The following BTRC variants were observed in gnomAD, a reference collection of about 807,000 sequenced individuals.
The protein encoded by BTRC is F-box/WD repeat-containing protein 1A.
BTRC carries 42 observed loss-of-function variants against 85.5 expected under a neutral mutation model. The observed-to-expected ratio is 0.49, with a 90% CI of 0.38 to 0.64. BTRC has a LOEUF of 0.64. Among genes scored for constraint, BTRC ranks in the 30% least tolerant of loss-of-function variants. The probability of loss-of-function intolerance (pLI) is 0.00; values close to 1 mark genes in which losing one functional copy is unlikely to be tolerated. For synonymous variants in BTRC, 255 were observed against 263.3 expected (o/e 0.97, Z 0.30); for missense variants, 594 against 743.5 (o/e 0.80, Z 2.34).
intron 2 of BTRC, among the ~76,000 whole-genome samples, chr10:101,440,131 G>A (rs1014604927): frequency 1.3e-5 from 2 of 152,042 alleles, no homozygotes; most frequent in Non-Finnish European, 2.9e-5. Context: ...TATGCCAAAT[G>A]AATAGAAAAT....
chr10:101,421,573 C>T (rs944195868), intron 1 of BTRC, among the ~76,000 whole-genome samples: 2 of 150,324 alleles, frequency 1.3e-5, no homozygotes, highest in East Asian at 2.0e-4. Flanking sequence ...CCCATTAACT[C>T]GTCATTTACA....
rs986089467 is a variant in BTRC, at chr10:101,526,636, C to T, written c.743+437C>T. On this transcript the variant is annotated intron_variant, in intron 6 of 14. Transcript: ENST00000370187. ...CTCTACTAAAAATACAAAATTTAGCCGAGTATGGTGGCGTGCACCTGTAAT... is the reference window on the plus strand; with the variant it reads ...CTCTACTAAAAATACAAAATTTAGCTGAGTATGGTGGCGTGCACCTGTAAT... 1.2e-4 allele frequency among the ~76,000 whole-genome samples: 18 copies of T among 152,146 alleles called. 1 individual carries two copies. Among genetic ancestry groups the T allele is most frequent in the African/African-American group, 4.3e-4 (18 of 41,426 alleles).
At chr10:101,431,286 A>C (rs1275840091) in intron 2 of BTRC, among the ~76,000 whole-genome samples, 1 of 151,912 alleles carries the variant, frequency 6.6e-6, no homozygotes, top group African/African-American at 2.4e-5. Context: ...CATGTTGGCC[A>C]GGCTGGTCTC....
intron 1 of BTRC, among the ~76,000 whole-genome samples, chr10:101,407,183 A>G (rs1345024805): frequency 2.0e-5 from 3 of 151,952 alleles, no homozygotes; most frequent in Non-Finnish European, 4.4e-5. Flanking sequence ...TATAGCAAGA[A>G]CTTGTCTGTA....
Position 101,366,813 on chromosome 10 carries a change from TATATATTA to T in BTRC, c.48+12592_48+12599del, listed in dbSNP as rs1320226775. The stretch of plus-strand genomic sequence containing the variant: ...ATTTTTACATTTATATATATATTTA[TATATATTA>T]ATATATATTTATATATATTTATGTA... On this transcript the variant is annotated intron_variant, in intron 1 of 14. Coordinates refer to ENST00000370187, the MANE Select transcript of BTRC (RefSeq NM_033637.4). 7.2e-4 allele frequency among the ~76,000 whole-genome samples: 40 copies of T among 55,502 alleles called. 4 individuals are homozygous for T. The highest frequency in any genetic ancestry group is 3.2e-3 in the African/African-American group (32 of 10,080). 36.4% of individuals were successfully genotyped at this position (55,502 alleles called of 152,430 possible).
At chr10:101,442,645 C>T (rs1339051080) in intron 2 of BTRC, among the ~76,000 whole-genome samples, 10 of 152,056 alleles carry the variant, frequency 6.6e-5, no homozygotes, top group African/African-American at 1.9e-4. Flanking sequence ...GAAAAAAAAT[C>T]GAGTTGGTGG....
At chr10:101,511,835 G>C (rs1258385145) in intron 4 of BTRC, among the ~76,000 whole-genome samples, 1 of 152,070 alleles carries the variant, frequency 6.6e-6, no homozygotes, top group Non-Finnish European at 1.5e-5. Flanking sequence ...TGTATTAATA[G>C]AGACGAAGTT....
chr10:101,428,050 A>G (rs575616318), intron 1 of BTRC, among the ~76,000 whole-genome samples: 1 of 152,126 alleles, frequency 6.6e-6, no homozygotes, highest in Non-Finnish European at 1.5e-5. Flanking sequence ...TCTCCTTCCA[A>G]TGTGAGAATC....
chr10:101,426,094 C>T (rs141008546), intron 1 of BTRC, among the ~76,000 whole-genome samples: 56 of 152,254 alleles, frequency 3.7e-4, no homozygotes, highest in African/African-American at 1.3e-3. Context: ...CACTTTGTTC[C>T]TCATTGCCCA....
chr10:101,549,095 T>G lies in BTRC; in HGVS notation c.1657-1604T>G, dbSNP rs527664628. ...ACACAAAAGAATACATACTATATGA[T>G]TATATTTATATGAAATTCAGTAAGA... On this transcript the variant is annotated intron_variant, in intron 13 of 14. Coordinates refer to ENST00000370187, the MANE Select transcript of BTRC (RefSeq NM_033637.4). 2.6e-5 allele frequency among the ~76,000 whole-genome samples: 4 copies of G among 151,220 alleles called. No individual in the cohort carries two copies. In the East Asian group the frequency reaches 7.7e-4, roughly 29 times the overall value.
chr10:101,495,910 A>C (rs1946247360), intron 4 of BTRC, among the ~76,000 whole-genome samples: 1 of 151,320 alleles, frequency 6.6e-6, no homozygotes, highest in Non-Finnish European at 1.5e-5. Flanking sequence ...TACCCTCTTT[A>C]AGTCACTACC....
chr10:101,479,125 A>G (rs1945771061), intron 3 of BTRC, among the ~76,000 whole-genome samples: 1 of 152,220 alleles, frequency 6.6e-6, no homozygotes, highest in Non-Finnish European at 1.5e-5. Flanking sequence ...CCCAGCTTCC[A>G]TTAATCATTA....
At chr10:101,517,683 G>A (rs981390283) in intron 4 of BTRC, among the ~76,000 whole-genome samples, 21 of 152,274 alleles carry the variant, frequency 1.4e-4, no homozygotes, top group African/African-American at 4.8e-4. Flanking sequence ...CTTCAGAGTA[G>A]CAAAAGTTTC....
chr10:101,448,788 CAAGGGAT>C (rs550460549), intron 2 of BTRC, among the ~76,000 whole-genome samples: 4 of 151,828 alleles, frequency 2.6e-5, no homozygotes, highest in Admixed American at 6.6e-5. Context: ...AAGAGGAAAG[CAAGGGAT>C]ATAATGTATG....
intron 1 of BTRC, among the ~76,000 whole-genome samples, chr10:101,366,876 A>T (rs1239936791): frequency 1.4e-4 from 3 of 21,152 alleles, no homozygotes; most frequent in African/African-American, 4.1e-4. Context: ...ATTAATATAT[A>T]TTTATATATA....
chr10:101,534,561 C>A, intron 9 of BTRC, 100 bp from the exon 10 acceptor site: 6 of 1,456,394 alleles, frequency 4.1e-6, no homozygotes, highest in East Asian at 2.3e-5. Flanking sequence ...CCCAGTCTGG[C>A]CCTCTCTCTA....
chr10:101,525,114 A>G (rs573686935), intron 5 of BTRC, among the ~76,000 whole-genome samples: 18 of 152,318 alleles, frequency 1.2e-4, no homozygotes, highest in African/African-American at 4.1e-4. Flanking sequence ...GTAAATGTAG[A>G]ACAGCAGGCA....
intron 1 of BTRC, among the ~76,000 whole-genome samples, chr10:101,366,792 TTACATTTATATA>T (rs1381032576): frequency 4.5e-5 from 4 of 88,098 alleles, no homozygotes; most frequent in Non-Finnish European, 6.3e-5. Flanking sequence ...ATATATATTT[TTACATTTATATA>T]TATATTTATA....
chr10:101,525,959 A>G (rs1464095453), intron 5 of BTRC, 54 bp from the exon 6 acceptor site: 2 of 1,556,702 alleles, frequency 1.3e-6, no homozygotes, highest in Non-Finnish European at 1.8e-6. Flanking sequence ...TTTTGTAAAA[A>G]ATCATTCGCC....
Sources: allele counts gnomAD v4.1 joint callset (sites outside exome capture counted in the v4.1 genomes callset), GRCh38; gene constraint gnomAD v4.1.1; transcripts MANE v1.5; gene names NCBI Gene and HGNC (gene_info 2026-07-23, HGNC 2026-07-21).